The following LTBP1 variants were observed in gnomAD, a reference collection of about 807,000 sequenced individuals.
LTBP1 encodes latent-transforming growth factor beta-binding protein 1.
In LTBP1, 129 loss-of-function variants were observed where a neutral mutation model predicts 207.6. The ratio of observed to expected loss-of-function variants is 0.62; its 90% CI spans 0.54 to 0.72. The LOEUF is 0.72. Ranked by LOEUF, LTBP1 falls within the 30% of genes least tolerant of loss-of-function variation. LTBP1 has a pLI of 0.00. For synonymous variants in LTBP1, 963 were observed against 833.7 expected (o/e 1.16, Z -2.67); for missense variants, 2,281 against 2,217.2 (o/e 1.03, Z -0.58).
At position 33,398,415 on chromosome 2, in the gene LTBP1, C is replaced by T. The variant is rs142626479; in HGVS notation, c.5036C>T (p.Ala1679Val). ...LNNRMSLCKN[A>V]KCINTDGSYK... is the part of the protein sequence containing the mutation. Reference sequence around the variant, plus strand: ...AACCGGATGTCTCTCTGCAAGAATGCCAAGTGCATTAACACCGATGGTTCC... The same window carrying T: ...AACCGGATGTCTCTCTGCAAGAATGTCAAGTGCATTAACACCGATGGTTCC... The change falls in exon 34 of 34, where the codon GCC (alanine) becomes GTC (valine). Residue 1679 changes from alanine to valine, a missense_variant. Physicochemically the swap from Ala to Val is moderately conservative, Grantham distance 64. Around this residue, in one of 3 missense-constraint regions of LTBP1, gnomAD observed 1,671 missense variants for 1,634.8 expected, o/e 1.02. Transcript: ENST00000404816. 3.1e-6 allele frequency: 5 copies of T among 1,614,098 alleles called. No individual in the cohort carries two copies. The highest frequency in any genetic ancestry group is 4.2e-6 in the Non-Finnish European group (5 of 1,179,986).
intron 3 of LTBP1, among the ~76,000 whole-genome samples, chr2:33,023,290 A>G (rs2075261921): frequency 6.6e-6 from 1 of 152,174 alleles, no homozygotes; most frequent in Admixed American, 6.5e-5. Flanking sequence ...ATCACCATCC[A>G]CTGTTAGAAT....
chr2:33,397,790 G>C (rs557096226), intron 33 of LTBP1, among the ~76,000 whole-genome samples: 54 of 151,734 alleles, frequency 3.6e-4, no homozygotes, highest in Admixed American at 3.3e-3. Context: ...CCAAAGTGCT[G>C]GGATTACAGG....
chr2:33,099,080 T>C (rs2079558587), intron 3 of LTBP1, among the ~76,000 whole-genome samples: 2 of 152,356 alleles, frequency 1.3e-5, no homozygotes, highest in East Asian at 1.9e-4. Context: ...TCCAGATATA[T>C]TGGCTTTAGG....
At position 33,368,558 on chromosome 2, in the gene LTBP1, G is replaced by A. The variant is rs115744569; in HGVS notation, c.4711+3055G>A. Among the ~76,000 whole-genome samples the A allele has an allele frequency of 5.0e-3, 755 of 152,326 alleles. 6 individuals carry two copies. Among genetic ancestry groups the A allele is most frequent in the African/African-American group, 0.017 (711 of 41,572 alleles). ...AAAATTTTGACAAATAAAAATACCA[G>A]GCTAAGTGTGTACACTTTAAATTTA... On this transcript the variant is annotated intron_variant, in intron 31 of 33. Coordinates refer to ENST00000404816, the MANE Select transcript of LTBP1 (RefSeq NM_206943.4).
intron 3 of LTBP1, among the ~76,000 whole-genome samples, chr2:33,028,470 C>A (rs2075538324): frequency 1.3e-5 from 2 of 152,086 alleles, no homozygotes; most frequent in South Asian, 4.2e-4. Flanking sequence ...GAGTTGAAGA[C>A]CAGCCTGGTC....
At chr2:33,082,483 C>G (rs2078493864) in intron 3 of LTBP1, among the ~76,000 whole-genome samples, 1 of 134,338 alleles carries the variant, frequency 7.4e-6, no homozygotes, top group African/African-American at 3.1e-5. Context: ...GAGTCTCGCT[C>G]TGTTGCCCAG....
chr2:33,349,076 C>T (rs1415470663), intron 26 of LTBP1, among the ~76,000 whole-genome samples: 1 of 152,118 alleles, frequency 6.6e-6, no homozygotes, highest in African/African-American at 2.4e-5. Flanking sequence ...AATAATTGAT[C>T]AGTTATTTGA....
chr2:33,241,770 C>T (rs1013882407), intron 9 of LTBP1, among the ~76,000 whole-genome samples: 5 of 152,186 alleles, frequency 3.3e-5, no homozygotes, highest in African/African-American at 1.2e-4. Flanking sequence ...TTACTTGGGA[C>T]ATATAATAGG....
rs1233900468 is a variant in LTBP1, at chr2:33,301,606, A to G, written c.3443A>G (p.Gln1148Arg). The G allele has an allele frequency of 6.2e-7, 1 of 1,610,962 alleles. No individual in the cohort carries two copies. The highest frequency in any genetic ancestry group is 8.5e-7 in the Non-Finnish European group (1 of 1,178,632). Residue 1148 changes from glutamine to arginine, a missense_variant, in exon 22 of 34, where the codon CAG becomes CGG. This residue lies in a region of LTBP1 where 1,671 missense variants were observed against 1,634.8 expected (regional missense o/e 1.02). Transcript: ENST00000404816. ...TEGSFQCVCD[Q>R]GYRASGLGDH... ...GGCTCTTTTCAATGTGTGTGTGACC[A>G]GGGTTACAGAGCATCTGGGCTTGGA...
At chr2:32,959,127 A>G (rs939548075) in intron 2 of LTBP1, among the ~76,000 whole-genome samples, 3 of 152,224 alleles carry the variant, frequency 2.0e-5, no homozygotes, top group Non-Finnish European at 4.4e-5. Context: ...TTTGTAAACT[A>G]GAAGATGGAT....
At chr2:33,164,652 A>T (rs2084770993) in intron 5 of LTBP1, among the ~76,000 whole-genome samples, 1 of 152,180 alleles carries the variant, frequency 6.6e-6, no homozygotes, top group African/African-American at 2.4e-5. Context: ...CTCTACTGGG[A>T]AAAATACTCT....
At chr2:33,186,753 G>T (rs2087247727) in intron 5 of LTBP1, 103 bp from the exon 6 acceptor site, 2 of 814,518 alleles carry the variant, frequency 2.5e-6, no homozygotes, top group South Asian at 3.4e-5. Context: ...ATGGGACTCT[G>T]ATGCCTATAA....
At chr2:32,952,408 A>T (rs1677279440) in intron 2 of LTBP1, among the ~76,000 whole-genome samples, 1 of 152,178 alleles carries the variant, frequency 6.6e-6, no homozygotes, top group South Asian at 2.1e-4. Flanking sequence ...CACCATTTGT[A>T]TGTGGATCCC....
chr2:33,189,368 A>G (rs539663439), intron 7 of LTBP1, among the ~76,000 whole-genome samples: 2 of 152,172 alleles, frequency 1.3e-5, no homozygotes, highest in African/African-American at 2.4e-5. Flanking sequence ...GCTAACGTTT[A>G]TAATTTTAGT....
Position 33,297,512 on chromosome 2 carries a change from A to G in LTBP1, c.3236-2939A>G, listed in dbSNP as rs185667927. ...AGTGGTGCGATCTCGGCGCACTGCA[A>G]CCTCTGCCTCCCAGGTTCAAGTGAT... On this transcript the variant is annotated intron_variant, in intron 20 of 33. Coordinates refer to ENST00000404816, the MANE Select transcript of LTBP1 (RefSeq NM_206943.4). Among the ~76,000 whole-genome samples, 814 of 151,696 alleles carry G rather than the reference A, an allele frequency of 5.4e-3. 7 individuals are homozygous for G. Among genetic ancestry groups the G allele is most frequent in the African/African-American group, 0.019 (793 of 41,296 alleles).
chr2:32,949,533 A>C (rs1369087546), intron 2 of LTBP1, among the ~76,000 whole-genome samples: 1 of 152,230 alleles, frequency 6.6e-6, no homozygotes, highest in Non-Finnish European at 1.5e-5. Flanking sequence ...TGTTTTTTAA[A>C]AAATGTGTTA....
intron 15 of LTBP1, among the ~76,000 whole-genome samples, chr2:33,272,725 G>A (rs937595989): frequency 5.3e-5 from 8 of 152,194 alleles, no homozygotes; most frequent in Admixed American, 2.0e-4. Context: ...ATTTGTGCCT[G>A]CACTGTCTTC....
chr2:32,986,982 G>A (rs1318797335), intron 2 of LTBP1, among the ~76,000 whole-genome samples: 1 of 152,178 alleles, frequency 6.6e-6, no homozygotes, highest in Non-Finnish European at 1.5e-5. Context: ...GATTGGCTAG[G>A]GTTGTGGCGA....
chr2:33,120,321 G>A (rs1316339761), intron 4 of LTBP1, among the ~76,000 whole-genome samples: 1 of 152,050 alleles, frequency 6.6e-6, no homozygotes, highest in East Asian at 1.9e-4. Context: ...TATCTTTTCT[G>A]CCCTTCTCCC....
Sources: allele counts gnomAD v4.1 joint callset (sites outside exome capture counted in the v4.1 genomes callset), GRCh38; gene constraint gnomAD v4.1.1; regional missense constraint gnomAD v4.1.1; transcripts MANE v1.5; gene names NCBI Gene and HGNC (gene_info 2026-07-23, HGNC 2026-07-21).